GRAP2: variants seen among roughly 807,000 people sequenced by gnomAD.
GRAP2 encodes the protein GRB2-related adapter protein 2.
Under a neutral mutation model 43.5 loss-of-function variants are expected in GRAP2, and 31 were observed. The observed-to-expected ratio is 0.71, with a 90% CI of 0.54 to 0.96. The LOEUF is 0.96. GRAP2 is among the 40% of genes least tolerant of loss of function. GRAP2 has a pLI of 0.00. For missense variants in GRAP2, 371 were observed against 424.4 expected (o/e 0.87, Z 1.11); for synonymous variants, 156 against 164.8 (o/e 0.95, Z 0.41).
At chr22:39,931,146 A>G (rs1040858774) in intron 1 of GRAP2, among the ~76,000 whole-genome samples, 5 of 152,232 alleles carry the variant, frequency 3.3e-5, no homozygotes, top group Non-Finnish European at 5.9e-5. Flanking sequence ...AGAGTGGGGC[A>G]CAGGAAATGT....
chr22:39,972,086 T>C lies in GRAP2; in HGVS notation c.*1002T>C, dbSNP rs2067250611. Reference sequence around the variant, plus strand: ...ACTAAACATGACCCCAGGTGGAAGCTGGCTTTGACACCAGCTTCCTGTTCA... The same window carrying C: ...ACTAAACATGACCCCAGGTGGAAGCCGGCTTTGACACCAGCTTCCTGTTCA... On this transcript the variant is annotated 3_prime_UTR_variant, in exon 8 of 8. Coordinates refer to ENST00000344138, the MANE Select transcript of GRAP2 (RefSeq NM_004810.4). 2 of 152,284 alleles carry C rather than the reference T, an allele frequency of 1.3e-5. No homozygotes were observed. The highest frequency in any genetic ancestry group is 2.9e-5 in the Non-Finnish European group (2 of 68,060). 9.4% of individuals were successfully genotyped at this position (152,284 alleles called of 1,614,324 possible). A position where few individuals can be genotyped will look rare whatever the true frequency, so the allele number is the denominator to read the frequency against.
At chr22:39,926,791 C>G in intron 1 of GRAP2, 1 of 984,788 alleles carries the variant, frequency 1.0e-6, no homozygotes, top group Non-Finnish European at 1.2e-6. Flanking sequence ...CAGGTTCGCC[C>G]AAACAATTCT....
chr22:39,952,621 T>C (rs1045640375), intron 2 of GRAP2, among the ~76,000 whole-genome samples: 1 of 152,208 alleles, frequency 6.6e-6, no homozygotes, highest in Middle Eastern at 3.2e-3. Context: ...AGCAGTCACA[T>C]TTGATGTTAG....
At chr22:39,909,534 A>G (rs955980676) in intron 1 of GRAP2, among the ~76,000 whole-genome samples, 6 of 152,222 alleles carry the variant, frequency 3.9e-5, no homozygotes, top group Admixed American at 3.9e-4. Flanking sequence ...CTGTCTGATT[A>G]CTTTAATTCA....
chr22:39,910,153 T>C (rs962315847), intron 1 of GRAP2, among the ~76,000 whole-genome samples: 10 of 152,184 alleles, frequency 6.6e-5, no homozygotes, highest in African/African-American at 2.2e-4. Context: ...GATTGGACTC[T>C]AGCTTAGGGC....
chr22:39,941,628 A>G (rs950240216), intron 1 of GRAP2, among the ~76,000 whole-genome samples: 8 of 152,244 alleles, frequency 5.3e-5, no homozygotes, highest in Non-Finnish European at 1.2e-4. Flanking sequence ...TAAAAATGCT[A>G]TGAAATTCAA....
Position 39,901,253 on chromosome 22 carries a change from C to T in GRAP2, c.-92C>T, listed in dbSNP as rs1175657560. 5 of 1,269,820 alleles carry T rather than the reference C, an allele frequency of 3.9e-6. No homozygotes were observed. Among genetic ancestry groups the T allele is most frequent in the Admixed American group, 2.3e-5 (1 of 43,526 alleles). The allele number at this position is 1,269,820 out of a possible 1,614,324, so 78.7% of individuals were successfully genotyped here. Reference sequence around the variant, plus strand: ...CAGTAACTCTGATGCTTGAATTTGTCTCCCTTCTTGCCAGAAAGGATTCTA... The same window carrying T: ...CAGTAACTCTGATGCTTGAATTTGTTTCCCTTCTTGCCAGAAAGGATTCTA... On this transcript the variant is annotated 5_prime_UTR_variant, in exon 1 of 8. Transcript: ENST00000344138.
the GRAP2 span, among the ~76,000 whole-genome samples, chr22:39,895,118 G>A: frequency 6.6e-6 from 1 of 152,148 alleles, no homozygotes; most frequent in African/African-American, 2.4e-5. Context: ...ACAGAGGGAA[G>A]TTGGATCATG....
chr22:39,910,624 G>T (rs1489575294), intron 1 of GRAP2, among the ~76,000 whole-genome samples: 1 of 151,526 alleles, frequency 6.6e-6, no homozygotes, highest in Non-Finnish European at 1.5e-5. Context: ...GGTCAGGCTG[G>T]TCTTGAACTC....
At chr22:39,952,688 T>C (rs1569210258) in intron 2 of GRAP2, among the ~76,000 whole-genome samples, 2 of 152,226 alleles carry the variant, frequency 1.3e-5, no homozygotes, top group South Asian at 2.1e-4. Context: ...GACACACTTT[T>C]ATTCCTTCAG....
At chr22:39,962,056 G>A (rs945131844) in intron 4 of GRAP2, among the ~76,000 whole-genome samples, 3 of 152,160 alleles carry the variant, frequency 2.0e-5, no homozygotes, top group East Asian at 1.9e-4. Context: ...CTTTAGTTCA[G>A]GCCAATATTG....
upstream of GRAP2, among the ~76,000 whole-genome samples, chr22:39,896,284 T>C (rs929159221): frequency 6.6e-6 from 1 of 152,204 alleles, no homozygotes; most frequent in African/African-American, 2.4e-5. Context: ...CTGTTCACTC[T>C]CCTCACACAT....
At position 39,972,761 on chromosome 22, in the gene GRAP2, G is replaced by A. The variant is rs1467982062; in HGVS notation, c.*1677G>A. 1 of 152,520 alleles carries A rather than the reference G, an allele frequency of 6.6e-6. No homozygotes were observed. The highest frequency in any genetic ancestry group is 6.5e-5 in the Admixed American group (1 of 15,276). 9.4% of individuals were successfully genotyped at this position (152,520 alleles called of 1,614,324 possible). ...AAAAGGAACTCTGTGGTGGGTATTG[G>A]GAGGGAAAAGAAAATAGCCTGGTGG... is the stretch of plus-strand genomic sequence containing the variant. On this transcript the variant is annotated 3_prime_UTR_variant, in exon 8 of 8. Coordinates refer to ENST00000344138, the MANE Select transcript of GRAP2 (RefSeq NM_004810.4).
At position 39,956,252 on chromosome 22, in the gene GRAP2, G is replaced by A. The variant is rs781139376; in HGVS notation, c.170+342G>A. Among the ~76,000 whole-genome samples the A allele has an allele frequency of 5.5e-4, 83 of 151,502 alleles. 1 individual carries two copies. The highest frequency in any genetic ancestry group is 2.5e-4 in the Non-Finnish European group (17 of 67,908). On this transcript the variant is annotated intron_variant, in intron 3 of 7. Transcript: ENST00000344138. Reference sequence around the variant, plus strand: ...CACTCACTGCAGCCTAAAACTCCTGGGCTCAAGCCATCCTCTCACCTCAGC... The same window carrying A: ...CACTCACTGCAGCCTAAAACTCCTGAGCTCAAGCCATCCTCTCACCTCAGC...
At chr22:39,903,067 G>T (rs527935231) in intron 1 of GRAP2, among the ~76,000 whole-genome samples, 31 of 152,254 alleles carry the variant, frequency 2.0e-4, no homozygotes, top group African/African-American at 7.5e-4. Context: ...GACTGACAGG[G>T]TTCATGCCTA....
In GRAP2 at chr22:39,934,669, G is replaced by T. The variant is rs549951966; in HGVS notation, c.-14-12424G>T. 2.6e-5 allele frequency among the ~76,000 whole-genome samples: 4 copies of T among 152,264 alleles called. No individual in the cohort carries two copies. The East Asian group carries it at 7.7e-4, about 29-fold the overall frequency. On this transcript the variant is annotated intron_variant, in intron 1 of 7. Transcript: ENST00000344138. ...AGAGGTCCAGCTTGACCATCTTCAT[G>T]TTGGGAAGCACCCGGGCTTTTGTTG...
At chr22:39,928,300 A>G (rs2066724916) in intron 1 of GRAP2, among the ~76,000 whole-genome samples, 1 of 152,198 alleles carries the variant, frequency 6.6e-6, no homozygotes, top group South Asian at 2.1e-4. Flanking sequence ...TTACATGAAA[A>G]TACTGGGACT....
chr22:39,907,983 A>G (rs74374391), intron 1 of GRAP2, among the ~76,000 whole-genome samples: 4 of 152,146 alleles, frequency 2.6e-5, no homozygotes, highest in African/African-American at 4.8e-5. Context: ...GATTCTGGAG[A>G]TGCAGGAGCC....
intron 1 of GRAP2, among the ~76,000 whole-genome samples, chr22:39,929,912 C>T (rs1435764746): frequency 6.6e-6 from 1 of 152,216 alleles, no homozygotes; most frequent in African/African-American, 2.4e-5. Flanking sequence ...CTAATGCCCC[C>T]AGCAGGAACT....
Sources: allele counts gnomAD v4.1 joint callset (sites outside exome capture counted in the v4.1 genomes callset), GRCh38; gene constraint gnomAD v4.1.1; transcripts MANE v1.5; gene names NCBI Gene and HGNC (gene_info 2026-07-23, HGNC 2026-07-21).